Variants in PHF21A observed in about 807,000 individuals in gnomAD.
PHF21A encodes PHD finger protein 21A.
A neutral mutation model predicts 82.5 loss-of-function variants in PHF21A; 11 were observed. The ratio of observed to expected loss-of-function variants is 0.13; its 90% CI spans 0.08 to 0.22. The LOEUF (loss-of-function observed/expected upper bound fraction) is 0.22. Among genes scored for constraint, PHF21A ranks in the 10% least tolerant of loss-of-function variants. PHF21A has a pLI of 1.00. For synonymous variants in PHF21A, 297 were observed against 302.8 expected (o/e 0.98, Z 0.20); for missense variants, 579 against 837.8 (o/e 0.69, Z 3.81).
chr11:46,061,915 C>G (rs1455722455), intron 6 of PHF21A, among the ~76,000 whole-genome samples: 1 of 152,174 alleles, frequency 6.6e-6, no homozygotes, highest in East Asian at 1.9e-4. Context: ...TAAAATGTCT[C>G]TATTCTATCC....
intron 6 of PHF21A, among the ~76,000 whole-genome samples, chr11:46,021,352 GTGC>G (rs2095627344): frequency 6.7e-6 from 1 of 150,016 alleles, no homozygotes; most frequent in Non-Finnish European, 1.5e-5. Context: ...ATAAGCCACT[GTGC>G]CTGGCCATTA....
At chr11:46,038,015 T>C (rs2096051559) in intron 6 of PHF21A, among the ~76,000 whole-genome samples, 1 of 152,158 alleles carries the variant, frequency 6.6e-6, no homozygotes, top group African/African-American at 2.4e-5. Flanking sequence ...TGCTTTATTA[T>C]AGAATTTCTT....
chr11:46,095,091 T>C (rs969984257), intron 1 of PHF21A, among the ~76,000 whole-genome samples: 1 of 152,176 alleles, frequency 6.6e-6, no homozygotes, highest in Non-Finnish European at 1.5e-5. Context: ...GAGGAAATTA[T>C]TTTTAGACTA....
At chr11:46,055,781 T>G (rs1018826166) in intron 6 of PHF21A, among the ~76,000 whole-genome samples, 7 of 152,168 alleles carry the variant, frequency 4.6e-5, no homozygotes, top group Admixed American at 2.6e-4. Context: ...TAGCAGGGGA[T>G]TCATTGAAAA....
In PHF21A at chr11:45,962,556, C is replaced by T. The variant is rs150457423; in HGVS notation, c.996+2759G>A. Reference sequence around the variant, plus strand: ...CTATTATGCCAGGCTGCCCAGCAAACTAAAATAACAATGACTGAATTCCTT... The same window carrying T: ...CTATTATGCCAGGCTGCCCAGCAAATTAAAATAACAATGACTGAATTCCTT... On this transcript the variant is annotated intron_variant, in intron 10 of 18. Coordinates refer to ENST00000676320, the MANE Select transcript of PHF21A (RefSeq NM_001352027.3). Among the ~76,000 whole-genome samples the T allele has an allele frequency of 7.0e-3, 1,063 of 152,138 alleles. 10 individuals are homozygous for T. The highest frequency in any genetic ancestry group is 0.024 in the African/African-American group (1,011 of 41,488).
rs767170100 is a variant in PHF21A at position 45,953,608 on chromosome 11, T to A, written c.1014A>T (p.Thr338=). ...SLEKQTVKSH[T]ETDEKQTESR... is the part of the protein sequence containing the mutation. ...TCTCTGTTTGTTTCTCATCTGTTTC[T>A]GTGTGAGATTTAACTGTCTAGGAGA... is the stretch of plus-strand genomic sequence containing the variant. Residue 338 remains threonine, a synonymous_variant, in exon 11 of 19, where the codon ACA becomes ACT. Transcript: ENST00000676320. 5 of 1,612,820 alleles carry A rather than the reference T, an allele frequency of 3.1e-6. No individual in the cohort carries two copies. Among genetic ancestry groups the A allele is most frequent in the Non-Finnish European group, 4.2e-6 (5 of 1,178,896 alleles).
chr11:45,942,104 G>A (rs2090461141), intron 15 of PHF21A, among the ~76,000 whole-genome samples: 1 of 152,176 alleles, frequency 6.6e-6, no homozygotes, highest in Admixed American at 6.5e-5. Flanking sequence ...CCACTACTGG[G>A]ATACTGTAAA....
intron 3 of PHF21A, among the ~76,000 whole-genome samples, chr11:46,084,589 G>A (rs1023528131): frequency 2.0e-5 from 3 of 152,110 alleles, no homozygotes; most frequent in African/African-American, 7.2e-5. Flanking sequence ...TGAGGATACA[G>A]AGCTGAGTAA....
intron 4 of PHF21A, among the ~76,000 whole-genome samples, chr11:46,080,295 A>AC (rs1451393789): frequency 6.6e-6 from 1 of 151,724 alleles, no homozygotes; most frequent in East Asian, 1.9e-4. Context: ...AGTGGCTAGG[A>AC]CCCCAGGTGC....
chr11:46,052,552 C>A (rs1157454912), intron 6 of PHF21A, among the ~76,000 whole-genome samples: 1 of 151,486 alleles, frequency 6.6e-6, no homozygotes, highest in African/African-American at 2.4e-5. Flanking sequence ...GTTTACTTTA[C>A]AGAATTGAAA....
chr11:46,045,939 G>A (rs947364128), intron 6 of PHF21A, among the ~76,000 whole-genome samples: 6 of 152,240 alleles, frequency 3.9e-5, no homozygotes, highest in Admixed American at 6.5e-5. Context: ...AACTGGCTCT[G>A]TTTTCTTGCT....
intron 14 of PHF21A, among the ~76,000 whole-genome samples, chr11:45,946,465 C>T (rs187774322): frequency 8.8e-4 from 134 of 152,276 alleles, no homozygotes; most frequent in African/African-American, 3.1e-3. Flanking sequence ...CTCACTGCAA[C>T]CTCCGCCTCC....
Position 45,955,283 on chromosome 11 carries a change from A to AAC in PHF21A, c.997-1660_997-1659dup, listed in dbSNP as rs3061874. Among the ~76,000 whole-genome samples, 1,024 of 148,638 alleles carry AAC rather than the reference A, an allele frequency of 6.9e-3. 5 individuals are homozygous for AAC. Among genetic ancestry groups the AAC allele is most frequent in the African/African-American group, 0.018 (751 of 40,612 alleles). On this transcript the variant is annotated intron_variant, in intron 10 of 18. Transcript: ENST00000676320. ...GAATCACTCAAGTCTTTCTCTCTCCAACACACACACACACACACACACACA... is the reference window on the plus strand; with the variant it reads ...GAATCACTCAAGTCTTTCTCTCTCCAACACACACACACACACACACACACACA...
intron 15 of PHF21A, among the ~76,000 whole-genome samples, chr11:45,942,098 T>C (rs1487027621): frequency 6.6e-6 from 1 of 152,212 alleles, no homozygotes; most frequent in Non-Finnish European, 1.5e-5. Context: ...TCACTGCCAC[T>C]ACTGGGATAC....
chr11:45,979,807 G>A lies in PHF21A; in HGVS notation c.313C>T (p.His105Tyr). 6.2e-7 allele frequency: 1 copy of A among 1,612,264 alleles called. No individual in the cohort carries two copies. Among genetic ancestry groups the A allele is most frequent in the African/African-American group, 1.3e-5 (1 of 74,992 alleles). Reference protein sequence around the residue: ...LQQQQQYHHHHAQQSAAASPN... With the variant: ...LQQQQQYHHHYAQQSAAASPN... ...GAGGCTGCAGCTGACTGCTGGGCGTGGTGGTGGTGGTACTGCTGCTGTTGT... is the reference window on the plus strand; with the variant it reads ...GAGGCTGCAGCTGACTGCTGGGCGTAGTGGTGGTGGTACTGCTGCTGTTGT... The change falls in exon 7 of 19, where the codon CAC (histidine) becomes TAC (tyrosine). Residue 105 changes from histidine (H) to tyrosine (Y), a missense_variant. Physicochemically the swap from His to Tyr is moderately conservative, Grantham distance 83. Coordinates refer to ENST00000676320, the MANE Select transcript of PHF21A (RefSeq NM_001352027.3).
chr11:45,975,547 C>T (rs1354280394), intron 7 of PHF21A, among the ~76,000 whole-genome samples: 1 of 152,004 alleles, frequency 6.6e-6, no homozygotes, highest in East Asian at 1.9e-4. Context: ...AAACTTTTCC[C>T]TTTTTTGTCT....
chr11:45,942,106 T>C (rs556087396), intron 15 of PHF21A, among the ~76,000 whole-genome samples: 48 of 152,362 alleles, frequency 3.2e-4, no homozygotes, highest in African/African-American at 1.2e-3. Context: ...ACTACTGGGA[T>C]ACTGTAAAAG....
chr11:45,934,342 G>C (rs1359860100), intron 18 of PHF21A, 117 bp from the exon 19 acceptor site: 8 of 1,049,398 alleles, frequency 7.6e-6, no homozygotes, highest in Non-Finnish European at 1.1e-5. Context: ...GCTGGCTGCT[G>C]TGCAGCCCCT....
intron 7 of PHF21A, among the ~76,000 whole-genome samples, chr11:45,973,585 T>A (rs1273339301): frequency 2.0e-5 from 3 of 152,252 alleles, no homozygotes; most frequent in Non-Finnish European, 4.4e-5. Context: ...GTGGATCACC[T>A]ATCTTCGATC....
Sources: gnomAD v4.1 joint callset for allele counts (sites outside exome capture counted in the v4.1 genomes callset) on GRCh38, gnomAD v4.1.1 for gene constraint, MANE v1.5 for transcripts, NCBI Gene and HGNC (gene_info 2026-07-23, HGNC 2026-07-21) for gene names.